C1orf21: variants seen among roughly 807,000 people sequenced by gnomAD.
C1orf21 encodes the protein chromosome 1 open reading frame 21.
C1orf21 carries 3 observed loss-of-function variants against 18.7 expected under a neutral mutation model. The ratio of observed to expected loss-of-function variants is 0.16; its 90% CI spans 0.07 to 0.42. The LOEUF is 0.42. C1orf21 is among the 10% of genes least tolerant of loss of function. The pLI, the probability that C1orf21 is intolerant of heterozygous loss-of-function variation, is 0.99. For missense variants in C1orf21, 104 were observed against 143.6 expected, an observed-to-expected ratio of 0.72 and a Z score of 1.41; for synonymous variants, 41 against 46.4, an observed-to-expected ratio of 0.88 and a Z score of 0.47.
intron 3 of C1orf21, among the ~76,000 whole-genome samples, chr1:184,515,147 G>T (rs1337282022): frequency 6.6e-6 from 1 of 152,162 alleles, no homozygotes; most frequent in Non-Finnish European, 1.5e-5. Flanking sequence ...GCCATTCTTG[G>T]CTATTTTCCT....
intron 1 of C1orf21, among the ~76,000 whole-genome samples, chr1:184,395,944 ATT>A (rs766816857): frequency 6.6e-6 from 1 of 151,964 alleles, no homozygotes; most frequent in African/African-American, 2.4e-5. Context: ...CTAACTTTGA[ATT>A]TTTTTTATTT....
chr1:184,440,229 A>G (rs1487964618), intron 1 of C1orf21, among the ~76,000 whole-genome samples: 1 of 151,992 alleles, frequency 6.6e-6, no homozygotes, highest in Non-Finnish European at 1.5e-5. Flanking sequence ...TTTTATTACT[A>G]TTATTTTTAT....
intron 1 of C1orf21, among the ~76,000 whole-genome samples, chr1:184,436,924 G>T (rs912663753): frequency 6.6e-6 from 1 of 152,164 alleles, no homozygotes; most frequent in Non-Finnish European, 1.5e-5. Context: ...CAAATGGGCA[G>T]TGAGATTGAG....
chr1:184,417,804 T>C (rs1303510505), intron 1 of C1orf21, among the ~76,000 whole-genome samples: 3 of 152,206 alleles, frequency 2.0e-5, no homozygotes, highest in African/African-American at 7.2e-5. Context: ...AATGTTTTCT[T>C]ATGCTGTATC....
intron 3 of C1orf21, among the ~76,000 whole-genome samples, chr1:184,561,335 C>T (rs1421430348): frequency 6.6e-6 from 1 of 152,164 alleles, no homozygotes; most frequent in Non-Finnish European, 1.5e-5. Flanking sequence ...TGAACTTTGC[C>T]AAACCACCTT....
intron 1 of C1orf21, among the ~76,000 whole-genome samples, chr1:184,395,844 G>A (rs1455452403): frequency 6.6e-6 from 1 of 152,148 alleles, no homozygotes; most frequent in Non-Finnish European, 1.5e-5. Context: ...CACAGAGAGG[G>A]ATATATTTGG....
At chr1:184,448,385 A>G (rs1657063943) in intron 1 of C1orf21, among the ~76,000 whole-genome samples, 1 of 152,146 alleles carries the variant, frequency 6.6e-6, no homozygotes, top group East Asian at 1.9e-4. Flanking sequence ...CATCTGGCTT[A>G]TCTTTCAAGT....
Position 184,623,075 on chromosome 1 carries a change from A to C in C1orf21, c.*3519A>C, listed in dbSNP as rs1165817081. 6.6e-6 allele frequency: 1 copy of C among 152,208 alleles called. No homozygotes were observed. Among genetic ancestry groups the C allele is most frequent in the Non-Finnish European group, 1.5e-5 (1 of 68,034 alleles). 9.4% of individuals were successfully genotyped at this position (152,208 alleles called of 1,614,324 possible). A position where few individuals can be genotyped will look rare whatever the true frequency, so the allele number is the denominator to read the frequency against. On this transcript the variant is annotated 3_prime_UTR_variant, in exon 6 of 6. Transcript: ENST00000235307. ...TCCATAAGCCTGCTAAAAAACAGAG[A>C]TGATACCTCTTACAAACTTTACCTC...
At chr1:184,535,997 A>G (rs12127697) in intron 3 of C1orf21, among the ~76,000 whole-genome samples, 26,053 of 152,190 alleles carry the variant, frequency 0.17, 2,522 homozygotes, top group Middle Eastern at 0.23. Flanking sequence ...ATTACATTCT[A>G]TTGTTACCCC....
chr1:184,390,450 G>T (rs1278926099), intron 1 of C1orf21, among the ~76,000 whole-genome samples: 1 of 152,194 alleles, frequency 6.6e-6, no homozygotes, highest in Non-Finnish European at 1.5e-5. Context: ...AAAATAATTT[G>T]TATGTGAAAG....
At chr1:184,614,471 G>T (rs902913011) in intron 5 of C1orf21, among the ~76,000 whole-genome samples, 1 of 150,180 alleles carries the variant, frequency 6.7e-6, no homozygotes, top group East Asian at 2.0e-4. Context: ...CATATATGAT[G>T]AATCATACCT....
At position 184,627,418 on chromosome 1, in the gene C1orf21, A is replaced by G. The variant is rs1190105858; in HGVS notation, c.*7862A>G. ...TTCCAGAAACTCAAGAAAAAGCTCA[A>G]ACAGAAGACAGTTCCCCTGAGAGGC... is the stretch of plus-strand genomic sequence containing the variant. On this transcript the variant is annotated 3_prime_UTR_variant, in exon 6 of 6. Transcript: ENST00000235307. 1.3e-5 allele frequency: 2 copies of G among 152,228 alleles called. No homozygotes were observed. Among genetic ancestry groups the G allele is most frequent in the Admixed American group, 1.3e-4 (2 of 15,280 alleles). The allele number at this position is 152,228 out of a possible 1,614,324, so 9.4% of individuals were successfully genotyped here. A position where few individuals can be genotyped will look rare whatever the true frequency, so the allele number is the denominator to read the frequency against.
chr1:184,431,060 C>T (rs185562699), intron 1 of C1orf21, among the ~76,000 whole-genome samples: 8 of 152,122 alleles, frequency 5.3e-5, no homozygotes, highest in African/African-American at 1.7e-4. Flanking sequence ...TGTGAGTCAG[C>T]GTTCACTCAT....
At chr1:184,561,012 T>G (rs1280740625) in intron 3 of C1orf21, among the ~76,000 whole-genome samples, 1 of 152,216 alleles carries the variant, frequency 6.6e-6, no homozygotes, top group East Asian at 1.9e-4. Context: ...AGACTCTTGT[T>G]TACAATGCTG....
intron 1 of C1orf21, among the ~76,000 whole-genome samples, chr1:184,398,364 G>C (rs185621003): frequency 2.4e-3 from 362 of 152,262 alleles, no homozygotes; most frequent in African/African-American, 8.3e-3. Flanking sequence ...GCTAATAGTG[G>C]TGGTGCTAAG....
At chr1:184,545,467 C>G (rs1347881440) in intron 3 of C1orf21, among the ~76,000 whole-genome samples, 1 of 151,802 alleles carries the variant, frequency 6.6e-6, no homozygotes, top group African/African-American at 2.4e-5. Flanking sequence ...GCATTTTTCC[C>G]TCCCTCCCTT....
chr1:184,457,006 G>C (rs1226589327), intron 1 of C1orf21, among the ~76,000 whole-genome samples: 2 of 152,076 alleles, frequency 1.3e-5, no homozygotes, highest in African/African-American at 2.4e-5. Context: ...AATGTATCTG[G>C]GGCAGCTTTC....
At chr1:184,460,741 C>T (rs1488490612) in intron 1 of C1orf21, among the ~76,000 whole-genome samples, 2 of 123,684 alleles carry the variant, frequency 1.6e-5, no homozygotes, top group Non-Finnish European at 3.3e-5. Flanking sequence ...GAAATGGGGT[C>T]TCATTATGTT....
chr1:184,451,956 T>C (rs1298627124), intron 1 of C1orf21, among the ~76,000 whole-genome samples: 3 of 152,224 alleles, frequency 2.0e-5, no homozygotes, highest in Admixed American at 6.5e-5. Context: ...TAGTTTGTTG[T>C]TGGAAATGAA....
Sources: allele counts gnomAD v4.1 joint callset (sites outside exome capture counted in the v4.1 genomes callset), GRCh38; gene constraint gnomAD v4.1.1; transcripts MANE v1.5; gene names NCBI Gene and HGNC (gene_info 2026-07-23, HGNC 2026-07-21).